The following CCT6B variants were observed in gnomAD, a reference collection of about 807,000 sequenced individuals.
CCT6B encodes the protein chaperonin containing TCP1 subunit 6B.
In CCT6B, 49 loss-of-function variants were observed where a neutral mutation model predicts 61.5. That is an observed-to-expected ratio of 0.80 (90% CI 0.63 to 1.01). The LOEUF (loss-of-function observed/expected upper bound fraction) is 1.01. Ranked by LOEUF, CCT6B falls within the 50% of genes least tolerant of loss-of-function variation. The pLI, the probability that CCT6B is intolerant of heterozygous loss-of-function variation, is 0.00. For missense variants in CCT6B, 666 were observed against 634.7 expected (o/e 1.05, Z -0.53); for synonymous variants, 228 against 214.5 (o/e 1.06, Z -0.55).
At chr17:34,959,102 G>A (rs183148301) in intron 2 of CCT6B, among the ~76,000 whole-genome samples, 4 of 145,270 alleles carry the variant, frequency 2.8e-5, no homozygotes, top group South Asian at 4.3e-4. Context: ...ACAAAGACTT[G>A]GAAACAGCCA....
chr17:34,952,531 A>C (rs946134046), intron 4 of CCT6B, among the ~76,000 whole-genome samples: 9 of 152,346 alleles, frequency 5.9e-5, no homozygotes, highest in African/African-American at 2.2e-4. Flanking sequence ...CTCATGTTTT[A>C]TCGTGAAAAG....
rs931419185 is a variant in CCT6B, at chr17:34,938,758, T to G, written c.1213+425A>C. On this transcript the variant is annotated intron_variant, in intron 10 of 13. Transcript: ENST00000314144. The stretch of plus-strand genomic sequence containing the variant: ...CCTGGTCTCAAAAGAAATAAATAGA[T>G]TAAATAGATTAATAATAAAAATAAA... 2.0e-5 allele frequency among the ~76,000 whole-genome samples: 3 copies of G among 151,760 alleles called. No individual in the cohort carries two copies. In the South Asian group the frequency reaches 6.3e-4, roughly 32 times the overall value.
Position 34,928,958 on chromosome 17 carries a change from T to C in CCT6B, c.1523+4A>G. On this transcript the variant is annotated splice_donor_region_variant and intron_variant, in intron 13 of 13. Coordinates refer to ENST00000314144, the MANE Select transcript of CCT6B (RefSeq NM_006584.4). ...TCTTTCACTTTATGTTCATATGAAC[T>C]TACCAAGAGTGAAGAAGTTGTTTTT... is the stretch of plus-strand genomic sequence containing the variant. 1.3e-6 allele frequency: 2 copies of C among 1,513,624 alleles called. No individual in the cohort carries two copies. The highest frequency in any genetic ancestry group is 9.2e-7 in the Non-Finnish European group (1 of 1,090,884). 93.8% of individuals were successfully genotyped at this position (1,513,624 alleles called of 1,614,324 possible).
Position 34,961,395 on chromosome 17 carries a change from GC to G in CCT6B, c.-3del. Reference sequence around the variant, plus strand: ...GTTGACGGCCTTTATCGCAGCCATAGCCTAACCGTTCAGAGGGAGAAAAAAA... The same window carrying G: ...GTTGACGGCCTTTATCGCAGCCATAGCTAACCGTTCAGAGGGAGAAAAAAA... On this transcript the variant is annotated 5_prime_UTR_variant, in exon 1 of 14. Transcript: ENST00000314144. The G allele has an allele frequency of 1.3e-6, 2 of 1,597,046 alleles. No individual in the cohort carries two copies. The highest frequency in any genetic ancestry group is 8.5e-7 in the Non-Finnish European group (1 of 1,175,284).
Position 34,932,453 on chromosome 17 carries a change from C to A in CCT6B, c.1261G>T (p.Ala421Ser). Residue 421 changes from alanine (A) to serine (S), a missense_variant, in exon 11 of 14, where the codon GCT becomes TCT. Coordinates refer to ENST00000314144, the MANE Select transcript of CCT6B (RefSeq NM_006584.4). ...AGAIEVAMAEALVTYKNSIKG... is the reference protein window; with the variant it reads ...AGAIEVAMAESLVTYKNSIKG... ...ATACTGTTCTTATATGTAACAAGAG[C>A]TTCAGCCATTGCCACTTCAATTGCA... 2 of 1,612,384 alleles carry A rather than the reference C, an allele frequency of 1.2e-6. No individual in the cohort carries two copies. The highest frequency in any genetic ancestry group is 1.7e-6 in the Non-Finnish European group (2 of 1,179,322).
chr17:34,949,178 G>A (rs1317583573), intron 5 of CCT6B, among the ~76,000 whole-genome samples: 6 of 151,436 alleles, frequency 4.0e-5, no homozygotes, highest in South Asian at 2.1e-4. Flanking sequence ...AGAAAAGGCC[G>A]AGCACGGTGG....
At chr17:34,946,690 G>T (rs1271930808) in intron 5 of CCT6B, among the ~76,000 whole-genome samples, 1 of 152,076 alleles carries the variant, frequency 6.6e-6, no homozygotes, top group Non-Finnish European at 1.5e-5. Flanking sequence ...ATAAACTGTG[G>T]TATATTAACA....
At chr17:34,932,942 C>A (rs1384461878) in intron 10 of CCT6B, among the ~76,000 whole-genome samples, 2 of 152,080 alleles carry the variant, frequency 1.3e-5, no homozygotes, top group Admixed American at 6.6e-5. Flanking sequence ...CCACCACACC[C>A]AGCTAATTTT....
chr17:34,954,415 T>C lies in CCT6B; in HGVS notation c.510+11A>G. ...TATATTTGTTCTGAATGCAAAAGTT[T>C]AATAACATACCTCTGTTAAGACATC... On this transcript the variant is annotated intron_variant, in intron 4 of 13. Transcript: ENST00000314144. 6.3e-7 allele frequency: 1 copy of C among 1,585,724 alleles called. No individual in the cohort carries two copies. The highest frequency in any genetic ancestry group is 8.6e-7 in the Non-Finnish European group (1 of 1,169,122).
chr17:34,957,788 T>C (rs1217007152), intron 3 of CCT6B, among the ~76,000 whole-genome samples: 1 of 152,166 alleles, frequency 6.6e-6, no homozygotes, highest in Non-Finnish European at 1.5e-5. Context: ...AAAGAGATAC[T>C]TAATTAGAGA....
At chr17:34,945,581 T>C (rs2090214611) in intron 5 of CCT6B, among the ~76,000 whole-genome samples, 1 of 152,220 alleles carries the variant, frequency 6.6e-6, no homozygotes, top group Non-Finnish European at 1.5e-5. Flanking sequence ...TTTTCATTTC[T>C]CACTTGTAGT....
chr17:34,933,631 T>C (rs1032704302), intron 10 of CCT6B, among the ~76,000 whole-genome samples: 1 of 152,136 alleles, frequency 6.6e-6, no homozygotes, highest in Non-Finnish European at 1.5e-5. Context: ...AATAAACAAA[T>C]GTATCCATGT....
rs758900603 is a variant in CCT6B, at chr17:34,939,732, C to T, written c.969-19G>A. Reference sequence around the variant, plus strand: ...AGAGAGTCTGAAATTACATATATGTCACCATAGCTTGATTATGGAGAACAT... The same window carrying T: ...AGAGAGTCTGAAATTACATATATGTTACCATAGCTTGATTATGGAGAACAT... On this transcript the variant is annotated intron_variant, in intron 8 of 13. Transcript: ENST00000314144. 1 of 1,455,504 alleles carries T rather than the reference C, an allele frequency of 6.9e-7. No individual in the cohort carries two copies. Among genetic ancestry groups the T allele is most frequent in the East Asian group, 2.3e-5 (1 of 44,014 alleles). 90.2% of individuals were successfully genotyped at this position (1,455,504 alleles called of 1,614,324 possible). A position where few individuals can be genotyped will look rare whatever the true frequency, so the allele number is the denominator to read the frequency against.
intron 7 of CCT6B, among the ~76,000 whole-genome samples, chr17:34,941,939 G>A (rs929413759): frequency 1.3e-5 from 2 of 152,034 alleles, no homozygotes; most frequent in African/African-American, 4.8e-5. Context: ...TTGGGAAGCT[G>A]AGGTGGAAAG....
Position 34,928,020 on chromosome 17 carries a change from C to T in CCT6B, c.*28G>A. On this transcript the variant is annotated 3_prime_UTR_variant, in exon 14 of 14. Coordinates refer to ENST00000314144, the MANE Select transcript of CCT6B (RefSeq NM_006584.4). ...TGTAAAGTGTACTAAATTTCATCTT[C>T]TAGAAGGGTTGATTTTGAATTCAAT... The T allele has an allele frequency of 6.4e-7, 1 of 1,558,406 alleles. No individual in the cohort carries two copies. The highest frequency in any genetic ancestry group is 8.8e-7 in the Non-Finnish European group (1 of 1,133,668).
At chr17:34,956,991 TA>T (rs1044250517) in intron 3 of CCT6B, among the ~76,000 whole-genome samples, 3 of 151,656 alleles carry the variant, frequency 2.0e-5, no homozygotes, top group Admixed American at 6.6e-5. Context: ...TTATTATTTC[TA>T]AAGACAGGGT....
intron 11 of CCT6B, 27 bp from the exon 12 acceptor site, chr17:34,931,078 A>ATT: frequency 1.3e-6 from 1 of 782,710 alleles, no homozygotes; most frequent in Non-Finnish European, 1.8e-6. Flanking sequence ...AATAATATAT[A>ATT]TTATATATAT....
rs1350083425 is a variant in CCT6B at position 34,928,972 on chromosome 17, G to T, written c.1513C>A (p.Leu505Ile). The T allele has an allele frequency of 1.9e-6, 3 of 1,583,876 alleles. No homozygotes were observed. The highest frequency in any genetic ancestry group is 2.2e-5 in the East Asian group (1 of 44,632). The change falls in exon 13 of 14, where the codon CTT becomes ATT. Residue 505 changes from leucine (L) to isoleucine (I), a missense_variant. Coordinates refer to ENST00000314144, the MANE Select transcript of CCT6B (RefSeq NM_006584.4). ...WDNYCVKKQLLHSCTVIATNI... is the reference protein window; with the variant it reads ...WDNYCVKKQLIHSCTVIATNI... ...TTCATATGAACTTACCAAGAGTGAA[G>T]AAGTTGTTTTTTTACACAATAATTA...
chr17:34,945,489 G>A (rs1043010901), intron 5 of CCT6B, among the ~76,000 whole-genome samples: 2 of 152,064 alleles, frequency 1.3e-5, no homozygotes, highest in African/African-American at 2.4e-5. Flanking sequence ...ATCTCTGACC[G>A]CTCTATTTCT....
Sources: allele counts gnomAD v4.1 joint callset (sites outside exome capture counted in the v4.1 genomes callset), GRCh38; gene constraint gnomAD v4.1.1; transcripts MANE v1.5; gene names NCBI Gene and HGNC (gene_info 2026-07-23, HGNC 2026-07-21).